Variants in PPFIA1 observed in about 807,000 individuals in gnomAD.
PPFIA1 encodes PPFI scaffold protein A1.
PPFIA1 carries 25 observed loss-of-function variants against 149.9 expected under a neutral mutation model. The observed-to-expected ratio is 0.17, with a 90% confidence interval of 0.12 to 0.23. The LOEUF is 0.23. PPFIA1 is among the 10% of genes least tolerant of loss of function. PPFIA1 has a pLI of 1.00. For synonymous variants in PPFIA1, 549 were observed against 552.8 expected, an observed-to-expected ratio of 0.99 and a Z score of 0.10; for missense variants, 1,362 against 1,506.5, an observed-to-expected ratio of 0.90 and a Z score of 1.59.
intron 2 of PPFIA1, among the ~76,000 whole-genome samples, chr11:70,295,740 C>G (rs1454015221): frequency 2.7e-5 from 4 of 149,126 alleles, no homozygotes; most frequent in Non-Finnish European, 4.5e-5. Context: ...AGGGGGCTGA[C>G]CCCCCCACCT....
intron 14 of PPFIA1, among the ~76,000 whole-genome samples, chr11:70,343,231 GC>G (rs1316258625): frequency 6.6e-6 from 1 of 152,216 alleles, no homozygotes; most frequent in African/African-American, 2.4e-5. Context: ...ACAGGTATGT[GC>G]CACCACGCCT....
At chr11:70,379,685 C>T (rs777239542) in intron 26 of PPFIA1, among the ~76,000 whole-genome samples, 6 of 151,740 alleles carry the variant, frequency 4.0e-5, no homozygotes, top group African/African-American at 1.2e-4. Flanking sequence ...CAGTCCCTCC[C>T]GTACGTAGGT....
chr11:70,372,464 T>G lies in PPFIA1; in HGVS notation c.3042-13T>G, dbSNP rs1473641656. ...TTACCATCTCTAAATCATCTCTCTT[T>G]TCTTCCAAATAGAAACAGTTTCCAG... On this transcript the variant is annotated splice_polypyrimidine_tract_variant and intron_variant, in intron 22 of 27. Transcript: ENST00000253925. The G allele has an allele frequency of 6.2e-7, 1 of 1,613,274 alleles. No individual in the cohort carries two copies. The highest frequency in any genetic ancestry group is 8.5e-7 in the Non-Finnish European group (1 of 1,179,364).
At chr11:70,277,180 T>C (rs1438651172) in intron 2 of PPFIA1, among the ~76,000 whole-genome samples, 1 of 151,034 alleles carries the variant, frequency 6.6e-6, no homozygotes, top group African/African-American at 2.4e-5. Flanking sequence ...CAGTTTAATT[T>C]ATATTTATTT....
In PPFIA1 at chr11:70,374,812, G is replaced by A. The variant is rs569110136; in HGVS notation, c.3140-106G>A. ...TCTCCCAGCACTTTTCTCAGGAGCC[G>A]AAGGATTAGGAACCATGGTAGGAAT... On this transcript the variant is annotated intron_variant, in intron 23 of 27. Transcript: ENST00000253925. 7 of 1,064,014 alleles carry A rather than the reference G, an allele frequency of 6.6e-6. No homozygotes were observed. The East Asian group carries it at 7.7e-5, about 12-fold the overall frequency. 65.9% of individuals were successfully genotyped at this position (1,064,014 alleles called of 1,614,324 possible). A position where few individuals can be genotyped will look rare whatever the true frequency, so the allele number is the denominator to read the frequency against.
rs1165924631 is a variant in PPFIA1 at position 70,362,268 on chromosome 11, CT to C, written c.2665-18del. ...GACTGTACCTCACTGTGCTGCCTTCCTTCCGCTTTCCGCCTCCAGCTCTGGG... is the reference window on the plus strand; with the variant it reads ...GACTGTACCTCACTGTGCTGCCTTCCTCCGCTTTCCGCCTCCAGCTCTGGG... On this transcript the variant is annotated intron_variant, in intron 20 of 27. Coordinates refer to ENST00000253925, the MANE Select transcript of PPFIA1 (RefSeq NM_003626.5). 1.2e-6 allele frequency: 2 copies of C among 1,613,792 alleles called. No homozygotes were observed. Among genetic ancestry groups the C allele is most frequent in the African/African-American group, 2.7e-5 (2 of 74,914 alleles).
chr11:70,328,224 C>T (rs921343018), intron 7 of PPFIA1, among the ~76,000 whole-genome samples: 1 of 152,156 alleles, frequency 6.6e-6, no homozygotes, highest in Non-Finnish European at 1.5e-5. Context: ...CTTCTTCCTC[C>T]TATCCTCCAC....
chr11:70,343,606 A>T (rs937994619), intron 14 of PPFIA1, 63 bp from the exon 15 acceptor site: 15 of 1,443,246 alleles, frequency 1.0e-5, no homozygotes, highest in Non-Finnish European at 1.4e-5. Context: ...TTTCCGATAG[A>T]TTTATGTTTC....
intron 2 of PPFIA1, among the ~76,000 whole-genome samples, chr11:70,310,060 T>G (rs1433470964): frequency 6.6e-6 from 1 of 152,228 alleles, no homozygotes; most frequent in Non-Finnish European, 1.5e-5. Flanking sequence ...GGTCATAAAT[T>G]TTTTGAATGT....
chr11:70,335,509 AT>A, intron 10 of PPFIA1, 53 bp from the exon 11 acceptor site: 3 of 1,595,078 alleles, frequency 1.9e-6, no homozygotes, highest in Non-Finnish European at 2.6e-6. Flanking sequence ...TGCTTTTAAA[AT>A]AATGATCGAG....
intron 15 of PPFIA1, chr11:70,346,025 G>A: frequency 2.3e-6 from 1 of 439,750 alleles, no homozygotes; most frequent in South Asian, 1.6e-5. Flanking sequence ...AATCTTTCTT[G>A]TCTCGTCAGT....
chr11:70,357,975 C>A (rs1216567719), intron 19 of PPFIA1, among the ~76,000 whole-genome samples: 2 of 152,122 alleles, frequency 1.3e-5, no homozygotes, highest in Non-Finnish European at 2.9e-5. Flanking sequence ...TGGAAACATG[C>A]TAGGAAAATT....
chr11:70,307,651 G>A (rs2052945769), intron 2 of PPFIA1, among the ~76,000 whole-genome samples: 1 of 152,190 alleles, frequency 6.6e-6, no homozygotes, highest in African/African-American at 2.4e-5. Context: ...TAGGCTGGGT[G>A]TGATCGCCCC....
At chr11:70,379,877 A>G (rs940881850) in intron 26 of PPFIA1, among the ~76,000 whole-genome samples, 4 of 152,214 alleles carry the variant, frequency 2.6e-5, no homozygotes, top group Non-Finnish European at 5.9e-5. Context: ...GGGAAAACCC[A>G]GTATATCTTT....
intron 25 of PPFIA1, 78 bp downstream of exon 25, chr11:70,376,678 A>G (rs557651159): frequency 1.3e-5 from 16 of 1,199,246 alleles, no homozygotes; most frequent in South Asian, 1.2e-4. Context: ...GTAAGCTGTT[A>G]TTATTATTAT....
chr11:70,365,406 A>C (rs1469738155), intron 21 of PPFIA1: 3 of 456,452 alleles, frequency 6.6e-6, no homozygotes, highest in Non-Finnish European at 1.3e-5. Flanking sequence ...ACACGAAGAG[A>C]TGGAAACGCT....
intron 10 of PPFIA1, among the ~76,000 whole-genome samples, 177 bp from the exon 11 acceptor site, chr11:70,335,386 C>G (rs2054909036): frequency 6.6e-6 from 1 of 152,158 alleles, no homozygotes; most frequent in African/African-American, 2.4e-5. Flanking sequence ...TCCCGTGCTC[C>G]CTGTGTCCAT....
chr11:70,357,267 C>T (rs573888415), intron 19 of PPFIA1, among the ~76,000 whole-genome samples: 15 of 152,206 alleles, frequency 9.9e-5, no homozygotes, highest in Admixed American at 9.8e-4. Context: ...TTTTAAGTGC[C>T]CTGAGAAACC....
At chr11:70,315,872 A>G (rs941581554) in intron 2 of PPFIA1, among the ~76,000 whole-genome samples, 6 of 150,706 alleles carry the variant, frequency 4.0e-5, no homozygotes, top group African/African-American at 1.5e-4. Flanking sequence ...CCAACTCCCT[A>G]TCTCACCCTC....
Sources: gnomAD v4.1 joint callset for allele counts (sites outside exome capture counted in the v4.1 genomes callset) on GRCh38, gnomAD v4.1.1 for gene constraint, MANE v1.5 for transcripts, NCBI Gene and HGNC (gene_info 2026-07-23, HGNC 2026-07-21) for gene names.